Variants in RIC3 observed in about 807,000 individuals in gnomAD.
RIC3 encodes the protein RIC3 acetylcholine receptor chaperone, also known as protein RIC-3.
In RIC3, 28 loss-of-function variants were observed where a neutral mutation model predicts 27.3. That is an observed-to-expected ratio of 1.02 (90% CI 0.76 to 1.41). RIC3 has a LOEUF of 1.41. Ranked by LOEUF, RIC3 falls within the 40% of genes most tolerant of loss-of-function variation. The pLI is 0.00. For missense variants in RIC3, 501 were observed against 444.7 expected (o/e 1.13, Z -1.14); for synonymous variants, 184 against 160.4 (o/e 1.15, Z -1.11).
chr11:8,111,203 AGGTTC>A, intron 5 of RIC3, 66 bp from the exon 6 acceptor site: 1 of 1,145,358 alleles, frequency 8.7e-7, no homozygotes, highest in Non-Finnish European at 1.2e-6. Context: ...AAATAGTGTC[AGGTTC>A]AAAGAGGATT....
downstream of RIC3, chr11:8,101,906 T>C (rs969897027): frequency 2.2e-5 from 9 of 407,940 alleles, no homozygotes; most frequent in African/African-American, 1.6e-4. Context: ...TGTGTTGTAG[T>C]CGTACTTACC....
At chr11:8,142,367 T>A (rs899423204) in intron 1 of RIC3, among the ~76,000 whole-genome samples, 10 of 151,066 alleles carry the variant, frequency 6.6e-5, no homozygotes, top group Non-Finnish European at 1.3e-4. Context: ...CCCACAGAAA[T>A]ACAAACTACC....
Position 8,148,185 on chromosome 11 carries a change from A to C in RIC3, c.125-7992T>G, listed in dbSNP as rs77272608. Among the ~76,000 whole-genome samples the C allele has an allele frequency of 4.9e-4, 74 of 152,276 alleles. 1 individual carries two copies. The East Asian group carries it at 0.014, about 29-fold the overall frequency. ...CCTTTTCCTCTCAGTATTGACTTTA[A>C]ATGATATGGAAAATTTTGAAAAGAA... On this transcript the variant is annotated intron_variant, in intron 1 of 5. Transcript: ENST00000309737.
chr11:8,093,737 T>G, the RIC3 span, among the ~76,000 whole-genome samples: 15 of 152,324 alleles, frequency 9.8e-5, 1 homozygote, highest in African/African-American at 2.9e-4. Flanking sequence ...CTGTTCAGGC[T>G]CAGTATGGTT....
At chr11:8,117,115 C>G (rs1340324382) in intron 5 of RIC3, among the ~76,000 whole-genome samples, 1 of 152,196 alleles carries the variant, frequency 6.6e-6, no homozygotes, top group Non-Finnish European at 1.5e-5. Context: ...GTCACCCAGG[C>G]TGGAGTGCAG....
intron 5 of RIC3, among the ~76,000 whole-genome samples, chr11:8,117,585 G>C (rs4384376): frequency 0.26 from 38,736 of 149,404 alleles, 5,024 homozygotes; most frequent in East Asian, 0.44. Context: ...TAAAATTTCA[G>C]CTGGATAGGA....
chr11:8,128,301 A>G, intron 4 of RIC3: 1 of 457,130 alleles, frequency 2.2e-6, no homozygotes, highest in Non-Finnish European at 4.4e-6. Context: ...TCTTCAATGA[A>G]TGAAACAGTC....
At chr11:8,120,189 G>C (rs970000857) in intron 5 of RIC3, among the ~76,000 whole-genome samples, 2 of 152,090 alleles carry the variant, frequency 1.3e-5, no homozygotes, top group African/African-American at 4.8e-5. Flanking sequence ...CCCATTACTG[G>C]GTATATACCC....
intron 1 of RIC3, among the ~76,000 whole-genome samples, chr11:8,142,581 C>T (rs1190926153): frequency 6.8e-6 from 1 of 148,040 alleles, no homozygotes; most frequent in Middle Eastern, 3.4e-3. Context: ...GATTCACAGC[C>T]GAATTCTATC....
At chr11:8,148,101 C>T (rs2134056941) in intron 1 of RIC3, among the ~76,000 whole-genome samples, 2 of 152,284 alleles carry the variant, frequency 1.3e-5, no homozygotes, top group Middle Eastern at 3.4e-3. Context: ...GGCAGGTAGG[C>T]TTGGAAGTTG....
chr11:8,119,898 T>A (rs1946259637), intron 5 of RIC3, among the ~76,000 whole-genome samples: 1 of 152,168 alleles, frequency 6.6e-6, no homozygotes. Context: ...GAACAGACAC[T>A]TCTCAAAAGA....
chr11:8,144,508 A>G (rs1343355053), intron 1 of RIC3, among the ~76,000 whole-genome samples: 1 of 147,392 alleles, frequency 6.8e-6, no homozygotes, highest in African/African-American at 2.5e-5. Context: ...TAGAATGGCA[A>G]TCATTAAAAA....
intron 5 of RIC3, among the ~76,000 whole-genome samples, chr11:8,120,441 C>CA (rs1191459722): frequency 2.0e-5 from 3 of 151,930 alleles, no homozygotes; most frequent in African/African-American, 4.8e-5. Flanking sequence ...ATGACAAGGA[C>CA]AAAAAACCAA....
At chr11:8,168,590 G>C (rs1467054406) in intron 1 of RIC3, among the ~76,000 whole-genome samples, 3 of 152,198 alleles carry the variant, frequency 2.0e-5, no homozygotes, top group Non-Finnish European at 4.4e-5. Context: ...AAGGGACTGC[G>C]CCTAAACGGG....
intron 1 of RIC3, among the ~76,000 whole-genome samples, chr11:8,146,978 G>A (rs1406401843): frequency 1.3e-5 from 2 of 152,190 alleles, no homozygotes; most frequent in Non-Finnish European, 2.9e-5. Context: ...GCCCCTTCAA[G>A]GTGGGGAATT....
In RIC3 at chr11:8,107,264, G is replaced by A. The variant is rs537376565; in HGVS notation, c.*3434C>T. 6.6e-6 allele frequency: 1 copy of A among 152,334 alleles called. No individual in the cohort carries two copies. The highest frequency in any genetic ancestry group is 2.4e-5 in the African/African-American group (1 of 41,570). 9.4% of individuals were successfully genotyped at this position (152,334 alleles called of 1,614,324 possible). A position where few individuals can be genotyped will look rare whatever the true frequency, so the allele number is the denominator to read the frequency against. ...GTCCAGATTGAAGAGAACTTTGAGA[G>A]TGTGGTAATAATTCGGGTTTGTTTA... On this transcript the variant is annotated 3_prime_UTR_variant, in exon 6 of 6. Transcript: ENST00000309737.
chr11:8,097,699 A>G, the RIC3 span: 1 of 1,605,490 alleles, frequency 6.2e-7, no homozygotes, highest in African/African-American at 1.3e-5. Context: ...ATATGACCTC[A>G]TTCCACTCCC....
the RIC3 span, chr11:8,093,926 G>C: frequency 1.7e-6 from 2 of 1,151,718 alleles, no homozygotes; most frequent in Admixed American, 3.7e-5. Context: ...TGGTACAGGG[G>C]CCCTGGTGGG....
At chr11:8,128,130 C>T (rs1371330161) in intron 4 of RIC3, 1 of 453,648 alleles carries the variant, frequency 2.2e-6, no homozygotes, top group African/African-American at 2.0e-5. Context: ...CTCTCCACAA[C>T]TGCTCGTGTG....
Sources: allele counts gnomAD v4.1 joint callset (sites outside exome capture counted in the v4.1 genomes callset), GRCh38; gene constraint gnomAD v4.1.1; transcripts MANE v1.5; gene names NCBI Gene and HGNC (gene_info 2026-07-23, HGNC 2026-07-21).